Variants in PRTG observed in about 807,000 individuals in gnomAD.
PRTG encodes the protein immunoglobulin superfamily, DCC subclass, member 5.
A neutral mutation model predicts 122.5 loss-of-function variants in PRTG; 67 were observed. The observed-to-expected ratio is 0.55, with a 90% CI of 0.45 to 0.67. The LOEUF is 0.67. Among genes scored for constraint, PRTG ranks in the 30% least tolerant of loss-of-function variants. The probability of loss-of-function intolerance (pLI) is 0.00; values close to 1 mark genes in which losing one functional copy is unlikely to be tolerated. For missense variants in PRTG, 1,435 were observed against 1,415.4 expected, an observed-to-expected ratio of 1.01 and a Z score of -0.22; for synonymous variants, 554 against 501.1, an observed-to-expected ratio of 1.11 and a Z score of -1.41.
chr15:55,672,362 C>A (rs2059476858), intron 11 of PRTG, 83 bp downstream of exon 11: 2 of 1,076,084 alleles, frequency 1.9e-6, no homozygotes, highest in African/African-American at 1.6e-5. Flanking sequence ...TAAGTAAGTT[C>A]TCCTGCTTTA....
chr15:55,708,773 G>A (rs1162834027), intron 2 of PRTG, among the ~76,000 whole-genome samples: 10 of 152,116 alleles, frequency 6.6e-5, no homozygotes, highest in Admixed American at 6.6e-4. Flanking sequence ...TTATTTCAAA[G>A]TGATTCCTAC....
intron 11 of PRTG, among the ~76,000 whole-genome samples, chr15:55,649,053 C>T (rs190522764): frequency 2.6e-5 from 4 of 151,098 alleles, no homozygotes; most frequent in African/African-American, 7.3e-5. Flanking sequence ...CCCGAGATCA[C>T]GCCACTGCAC....
chr15:55,628,985 C>G lies in PRTG; in HGVS notation c.2643G>C (p.Leu881Phe), dbSNP rs763546729. Reference protein sequence around the residue: ...LHREGAITMALLENLVAGNVY... With the variant: ...LHREGAITMAFLENLVAGNVY... ...CATTTCCTGCTACCAAGTTTTCTAG[C>G]AAAGCCATGGTTATTGCCCCTAGAA... Residue 881 changes from leucine (L) to phenylalanine (F), a missense_variant, in exon 16 of 20, where the codon TTG becomes TTC. Leu to Phe is a conservative substitution (Grantham distance 22). Transcript: ENST00000389286. The G allele has an allele frequency of 1.9e-6, 3 of 1,611,216 alleles. No individual in the cohort carries two copies. Among genetic ancestry groups the G allele is most frequent in the African/African-American group, 1.3e-5 (1 of 74,882 alleles).
intron 15 of PRTG, among the ~76,000 whole-genome samples, chr15:55,635,620 T>C (rs1285764178): frequency 1.3e-5 from 2 of 152,144 alleles, no homozygotes; most frequent in African/African-American, 4.8e-5. Flanking sequence ...TACTTTCAAG[T>C]CCCTTCAGTG....
rs75858580 is a variant in PRTG at position 55,735,166 on chromosome 15, T to G, written c.397+5216A>C. On this transcript the variant is annotated intron_variant, in intron 2 of 19. Transcript: ENST00000389286. ...CTTAATTTGGGAGGATTTTTATGAT[T>G]TCTTTTAAAACATCTCAATAATCAT... Among the ~76,000 whole-genome samples, 11 of 152,318 alleles carry G rather than the reference T, an allele frequency of 7.2e-5. No homozygotes were observed. In the East Asian group the frequency reaches 2.1e-3, roughly 29 times the overall value.
rs1325859148 is a variant in PRTG at position 55,616,810 on chromosome 15, C to T, written c.*3202G>A. The T allele has an allele frequency of 6.6e-6, 1 of 151,942 alleles. No individual in the cohort carries two copies. The highest frequency in any genetic ancestry group is 1.5e-5 in the Non-Finnish European group (1 of 67,954). 9.4% of individuals were successfully genotyped at this position (151,942 alleles called of 1,614,324 possible). On this transcript the variant is annotated 3_prime_UTR_variant, in exon 20 of 20. Coordinates refer to ENST00000389286, the MANE Select transcript of PRTG (RefSeq NM_173814.6). The stretch of plus-strand genomic sequence containing the variant: ...TGCTTTTAATTATGTAAACTTAGCC[C>T]TTTGATATTTTTTGCTACTAAAGCT...
At chr15:55,635,508 T>C (rs1346966557) in intron 15 of PRTG, among the ~76,000 whole-genome samples, 1 of 152,160 alleles carries the variant, frequency 6.6e-6, no homozygotes, top group East Asian at 1.9e-4. Context: ...ACTCAAAGAA[T>C]TGTGAGAAAA....
chr15:55,653,042 T>C (rs367766267), intron 11 of PRTG, among the ~76,000 whole-genome samples: 3 of 152,196 alleles, frequency 2.0e-5, no homozygotes, highest in Non-Finnish European at 2.9e-5. Context: ...CTAAAAGGGA[T>C]TGTTAATCAG....
chr15:55,719,441 G>A (rs1033546393), intron 2 of PRTG, among the ~76,000 whole-genome samples: 5 of 152,280 alleles, frequency 3.3e-5, no homozygotes, highest in African/African-American at 1.2e-4. Context: ...AAACTTTAAT[G>A]AGAAAAGAAT....
intron 9 of PRTG, among the ~76,000 whole-genome samples, chr15:55,675,163 C>A (rs1173364867): frequency 2.0e-5 from 3 of 152,180 alleles, no homozygotes; most frequent in Non-Finnish European, 2.9e-5. Flanking sequence ...AAGTCCAGTA[C>A]CTCTGGCCCT....
At chr15:55,710,242 A>G (rs1327615871) in intron 2 of PRTG, among the ~76,000 whole-genome samples, 1 of 152,208 alleles carries the variant, frequency 6.6e-6, no homozygotes. Context: ...AGTTCCAGAA[A>G]GCCCTATTGA....
chr15:55,701,162 A>G (rs2059661189), intron 2 of PRTG, among the ~76,000 whole-genome samples: 1 of 152,202 alleles, frequency 6.6e-6, no homozygotes, highest in Non-Finnish European at 1.5e-5. Context: ...ACTCTGATAC[A>G]TTGTTGGTGG....
At chr15:55,632,733 GTC>G (rs2059234702) in intron 15 of PRTG, among the ~76,000 whole-genome samples, 1 of 152,042 alleles carries the variant, frequency 6.6e-6, no homozygotes, top group South Asian at 2.1e-4. Flanking sequence ...CTATCACTTT[GTC>G]TCTTTTCCCT....
chr15:55,641,847 A>G (rs909899298), intron 11 of PRTG, among the ~76,000 whole-genome samples: 2 of 152,176 alleles, frequency 1.3e-5, no homozygotes, highest in African/African-American at 4.8e-5. Flanking sequence ...ACTAAAGTCC[A>G]TCTAATACAC....
chr15:55,712,558 T>C (rs2030428586), intron 2 of PRTG, among the ~76,000 whole-genome samples: 2 of 152,224 alleles, frequency 1.3e-5, no homozygotes, highest in East Asian at 3.8e-4. Flanking sequence ...ATCTGGTTAT[T>C]ATAATTGTGC....
Position 55,621,924 on chromosome 15 carries a change from T to C in PRTG, c.3094-1157A>G, listed in dbSNP as rs575386356. On this transcript the variant is annotated intron_variant, in intron 18 of 19. Coordinates refer to ENST00000389286, the MANE Select transcript of PRTG (RefSeq NM_173814.6). ...ACATTATTCTCTCAACTTTTCTGTA[T>C]GTTTGAAAATTTTAAAAAGCAGATG... Among the ~76,000 whole-genome samples the C allele has an allele frequency of 5.3e-5, 8 of 152,282 alleles. No homozygotes were observed. The South Asian group carries it at 1.7e-3, about 32-fold the overall frequency.
chr15:55,674,284 T>C (rs2059490016), intron 9 of PRTG, among the ~76,000 whole-genome samples: 1 of 152,224 alleles, frequency 6.6e-6, no homozygotes, highest in Non-Finnish European at 1.5e-5. Context: ...TGTTCTACCA[T>C]GTACGACTCT....
chr15:55,727,253 C>T (rs141277486), intron 2 of PRTG, among the ~76,000 whole-genome samples: 1 of 150,374 alleles, frequency 6.7e-6, no homozygotes, highest in East Asian at 2.0e-4. Context: ...ACAAAACTAA[C>T]AAAACTTTAG....
intron 2 of PRTG, chr15:55,702,987 T>A: frequency 1.1e-6 from 1 of 909,354 alleles, no homozygotes; most frequent in South Asian, 5.1e-5. Context: ...ATTCTCATAA[T>A]ATTCAACATA....
Sources: gnomAD v4.1 joint callset for allele counts (sites outside exome capture counted in the v4.1 genomes callset) on GRCh38, gnomAD v4.1.1 for gene constraint, MANE v1.5 for transcripts, NCBI Gene and HGNC (gene_info 2026-07-23, HGNC 2026-07-21) for gene names.